Variants in NPHP4 observed in about 807,000 individuals in gnomAD.
NPHP4 encodes the protein nephrocystin 4, also known as nephrocystin-4.
Under a neutral mutation model 155.8 loss-of-function variants are expected in NPHP4, and 151 were observed. The observed-to-expected ratio is 0.97, with a 90% CI of 0.85 to 1.11. The LOEUF is 1.11. Ranked by LOEUF, NPHP4 falls within the 50% of genes least tolerant of loss-of-function variation. The pLI, the probability that NPHP4 is intolerant of heterozygous loss-of-function variation, is 0.00. For synonymous variants in NPHP4, 845 were observed against 816.8 expected, an observed-to-expected ratio of 1.03 and a Z score of -0.59; for missense variants, 1,956 against 1,925.7, an observed-to-expected ratio of 1.02 and a Z score of -0.29.
intron 3 of NPHP4, among the ~76,000 whole-genome samples, chr1:5,974,056 C>T (rs1272246626): frequency 2.6e-5 from 4 of 152,242 alleles, no homozygotes; most frequent in Non-Finnish European, 5.9e-5. Context: ...AGAATCCAGG[C>T]CCTGGAAGGG....
In NPHP4 at chr1:5,967,279, A is replaced by T; in HGVS notation, c.517+20T>A. Reference sequence around the variant, plus strand: ...GGCACGAGAGCAGTGAGTGCTGCCAAGGCCAGGTCTGGCTCTTACGCTCTG... The same window carrying T: ...GGCACGAGAGCAGTGAGTGCTGCCATGGCCAGGTCTGGCTCTTACGCTCTG... On this transcript the variant is annotated intron_variant, in intron 5 of 29. Transcript: ENST00000378156. The T allele has an allele frequency of 6.3e-7, 1 of 1,588,486 alleles. No homozygotes were observed. The highest frequency in any genetic ancestry group is 1.3e-5 in the African/African-American group (1 of 74,644).
chr1:5,867,562 G>A lies in NPHP4; in HGVS notation c.3472+178C>T. On this transcript the variant is annotated intron_variant, in intron 24 of 29. Coordinates refer to ENST00000378156, the MANE Select transcript of NPHP4 (RefSeq NM_015102.5). The surrounding 1 kb of genome is among the most constrained non-coding windows in gnomAD (Gnocchi z 4.1). ...ATGCGCACCTAGTCATCTCAGAGGTGGCAAGAGGGACACCGTTTCAAACCA... is the reference window on the plus strand; with the variant it reads ...ATGCGCACCTAGTCATCTCAGAGGTAGCAAGAGGGACACCGTTTCAAACCA... 4 of 667,754 alleles carry A rather than the reference G, an allele frequency of 6.0e-6. No homozygotes were observed. The highest frequency in any genetic ancestry group is 2.9e-5 in the Admixed American group (1 of 34,562). The allele number at this position is 667,754 out of a possible 1,614,324, so 41.4% of individuals were successfully genotyped here. A position where few individuals can be genotyped will look rare whatever the true frequency, so the allele number is the denominator to read the frequency against.
chr1:5,990,429 A>G (rs1390968255), intron 1 of NPHP4, among the ~76,000 whole-genome samples: 1 of 152,124 alleles, frequency 6.6e-6, no homozygotes, highest in Non-Finnish European at 1.5e-5. Context: ...AGAAAAGGGT[A>G]CAGTGGGCTC....
rs370027877 is a variant in NPHP4 at position 5,900,570 on chromosome 1, C to T, written c.2143+4047G>A. Reference sequence around the variant, plus strand: ...GGAGGGGAGGGCTAAATAGGTGGAGCGCAGGGGAGGTGTAGGGCCATGAAG... The same window carrying T: ...GGAGGGGAGGGCTAAATAGGTGGAGTGCAGGGGAGGTGTAGGGCCATGAAG... On this transcript the variant is annotated intron_variant, in intron 16 of 29. Coordinates refer to ENST00000378156, the MANE Select transcript of NPHP4 (RefSeq NM_015102.5). Among the ~76,000 whole-genome samples, 51 of 151,942 alleles carry T rather than the reference C, an allele frequency of 3.4e-4. 1 individual carries two copies. The highest frequency in any genetic ancestry group is 6.5e-4 in the African/African-American group (27 of 41,348).
chr1:5,970,917 A>G (rs890299383), intron 3 of NPHP4, among the ~76,000 whole-genome samples: 1 of 152,202 alleles, frequency 6.6e-6, no homozygotes, highest in African/African-American at 2.4e-5. Context: ...GACCACTTAC[A>G]GCTGACAGGT....
rs573999865 is a variant in NPHP4, at chr1:5,864,537, G to A, written c.3817-20C>T. On this transcript the variant is annotated intron_variant, in intron 27 of 29. Coordinates refer to ENST00000378156, the MANE Select transcript of NPHP4 (RefSeq NM_015102.5). ...GTCTGTCTTCAAGAGCGAGAGAGGC[G>A]GGTCAGAGCACAGCCTCTCAGGATG... The A allele has an allele frequency of 3.7e-4, 564 of 1,508,744 alleles. 2 individuals are homozygous for A. In the South Asian group the frequency reaches 4.6e-3, roughly 12 times the overall value. The allele number at this position is 1,508,744 out of a possible 1,614,324, so 93.5% of individuals were successfully genotyped here.
chr1:5,945,447 C>T (rs534280625), intron 9 of NPHP4, among the ~76,000 whole-genome samples: 72 of 152,328 alleles, frequency 4.7e-4, no homozygotes, highest in African/African-American at 1.7e-3. Flanking sequence ...ATGACTGTGA[C>T]TGTGTCAGTC....
At chr1:5,964,916 A>ATT (rs1199492139) in intron 5 of NPHP4, among the ~76,000 whole-genome samples, 154 of 67,106 alleles carry the variant, frequency 2.3e-3, no homozygotes, top group African/African-American at 0.01. Flanking sequence ...ATACATATAT[A>ATT]TTATATATAT....
At chr1:5,870,620 TTTCCTG>T (rs1641898587) in intron 23 of NPHP4, among the ~76,000 whole-genome samples, 1 of 152,216 alleles carries the variant, frequency 6.6e-6, no homozygotes, top group African/African-American at 2.4e-5. Context: ...TTACTAGACA[TTTCCTG>T]ATATTACAGG....
At chr1:5,950,800 C>T (rs1570598773) in intron 7 of NPHP4, among the ~76,000 whole-genome samples, 1 of 152,042 alleles carries the variant, frequency 6.6e-6, no homozygotes, top group South Asian at 2.1e-4. Context: ...ACTTCCTGCT[C>T]GAGATTCTAC....
At chr1:5,879,512 A>G (rs1014160540) in intron 19 of NPHP4, 2 of 518,748 alleles carry the variant, frequency 3.9e-6, no homozygotes, top group African/African-American at 3.9e-5. Flanking sequence ...AAATCAGTCT[A>G]TGTTCCTCCT....
chr1:5,909,261 T>C lies in NPHP4; in HGVS notation c.1442-48A>G, dbSNP rs1447567083. 4.1e-6 allele frequency: 6 copies of C among 1,477,578 alleles called. No individual in the cohort carries two copies. In the Admixed American group the frequency reaches 9.3e-5, roughly 23 times the overall value. 91.5% of individuals were successfully genotyped at this position (1,477,578 alleles called of 1,614,324 possible). A position where few individuals can be genotyped will look rare whatever the true frequency, so the allele number is the denominator to read the frequency against. On this transcript the variant is annotated intron_variant, in intron 11 of 29. Coordinates refer to ENST00000378156, the MANE Select transcript of NPHP4 (RefSeq NM_015102.5). ...AGGAGAGGGAATGTGTCAGCCTGTG[T>C]TGGGGGCAGTGGGCCCCTGAACCCC...
rs772682572 is a variant in NPHP4, at chr1:5,867,071, G to A, written c.3517C>T (p.Arg1173Cys). 13 of 1,613,050 alleles carry A rather than the reference G, an allele frequency of 8.1e-6. No homozygotes were observed. Among genetic ancestry groups the A allele is most frequent in the South Asian group, 4.4e-5 (4 of 90,802 alleles). ...CAGATGACGTTCGGGTCGCTGCAGC[G>A]AACATGGACTGGGGGGTCCTCACCA... is the stretch of plus-strand genomic sequence containing the variant. ...MLGEDPPVHVRCSDPNVICET... is the reference protein window; with the variant it reads ...MLGEDPPVHVCCSDPNVICET... The change falls in exon 25 of 30, where the codon CGC becomes TGC. Residue 1173 changes from arginine (R) to cysteine (C), a missense_variant. Physicochemically the swap from Arg to Cys is radical, Grantham distance 180. Transcript: ENST00000378156. The surrounding 1 kb of genome is among the most constrained non-coding windows in gnomAD (Gnocchi z 4.1).
At chr1:5,908,802 G>A (rs967528624) in intron 12 of NPHP4, among the ~76,000 whole-genome samples, 3 of 152,234 alleles carry the variant, frequency 2.0e-5, no homozygotes, top group African/African-American at 4.8e-5. Flanking sequence ...GTCTGGGAGA[G>A]CAAAGAGGGT....
intron 3 of NPHP4, among the ~76,000 whole-genome samples, chr1:5,977,991 C>G (rs1399370928): frequency 6.7e-6 from 1 of 149,986 alleles, no homozygotes; most frequent in Non-Finnish European, 1.5e-5. Context: ...CCAAGAACTC[C>G]AAGATTCCTT....
intron 11 of NPHP4, among the ~76,000 whole-genome samples, chr1:5,924,622 G>C (rs1304654138): frequency 6.6e-6 from 1 of 152,136 alleles, no homozygotes; most frequent in Non-Finnish European, 1.5e-5. Context: ...AACATAACTA[G>C]CTGCTCTTTT....
intron 7 of NPHP4, among the ~76,000 whole-genome samples, chr1:5,950,038 C>G (rs923475916): frequency 3.9e-5 from 6 of 152,166 alleles, no homozygotes; most frequent in Admixed American, 1.3e-4. Context: ...GGCAGCCAGT[C>G]TGGGCTTGCT....
intron 27 of NPHP4, 58 bp from the exon 28 acceptor site, chr1:5,864,575 G>T: frequency 7.1e-7 from 1 of 1,416,042 alleles, no homozygotes. Flanking sequence ...CAAGCAAGGG[G>T]CTCCTGGGCG....
At chr1:5,864,270 TG>T in intron 28 of NPHP4, 67 bp downstream of exon 28, 1 of 1,442,470 alleles carries the variant, frequency 6.9e-7, no homozygotes, top group Non-Finnish European at 9.4e-7. Flanking sequence ...AGGGCCGAGG[TG>T]GGGGTCCTGC....
Sources: gnomAD v4.1 joint callset for allele counts (sites outside exome capture counted in the v4.1 genomes callset) on GRCh38, gnomAD v4.1.1 for gene constraint, Gnocchi (gnomAD v3.1) non-coding constraint, MANE v1.5 for transcripts, NCBI Gene and HGNC (gene_info 2026-07-23, HGNC 2026-07-21) for gene names.